Variants in TRIM29 observed in about 807,000 individuals in gnomAD.
The protein encoded by TRIM29 is tripartite motif containing 29.
In TRIM29, 52 loss-of-function variants were observed where a neutral mutation model predicts 57.3. The ratio of observed to expected loss-of-function variants is 0.91; its 90% CI spans 0.73 to 1.14. The LOEUF (loss-of-function observed/expected upper bound fraction) is 1.14, where lower values mean the gene tolerates loss of function less well. Ranked by LOEUF, TRIM29 falls within the 50% of genes most tolerant of loss-of-function variation. The pLI is 0.00. For synonymous variants in TRIM29, 319 were observed against 316.9 expected, an observed-to-expected ratio of 1.01 and a Z score of -0.07; for missense variants, 753 against 774.6, an observed-to-expected ratio of 0.97 and a Z score of 0.33.
chr11:120,128,684 T>C, intron 1 of TRIM29, 189 bp from the exon 2 acceptor site: 1 of 1,535,370 alleles, frequency 6.5e-7, no homozygotes, highest in Non-Finnish European at 8.7e-7. Flanking sequence ...TCGCCAAGGA[T>C]CTAGCAGTAA....
At chr11:120,136,158 TA>T (rs1191703244) in intron 1 of TRIM29, among the ~76,000 whole-genome samples, 5 of 152,244 alleles carry the variant, frequency 3.3e-5, no homozygotes, top group East Asian at 3.9e-4. Flanking sequence ...CACGTGCACA[TA>T]AAATAAACAC....
chr11:120,127,605 G>A (rs756952205), intron 2 of TRIM29, 36 bp from the exon 3 acceptor site: 10 of 1,583,290 alleles, frequency 6.3e-6, no homozygotes, highest in African/African-American at 1.4e-5. Flanking sequence ...ATTAGGCAGG[G>A]CTTTAGTTAG....
intron 1 of TRIM29, among the ~76,000 whole-genome samples, chr11:120,132,452 T>C (rs1863739845): frequency 6.6e-6 from 1 of 152,170 alleles, no homozygotes; most frequent in Non-Finnish European, 1.5e-5. Context: ...CACCTGTCTG[T>C]TTGCCTCTTG....
At chr11:120,115,556 G>T in intron 7 of TRIM29, 142 bp from the exon 8 acceptor site, 1 of 711,580 alleles carries the variant, frequency 1.4e-6, no homozygotes, top group Non-Finnish European at 2.3e-6. Flanking sequence ...CTGAACACGC[G>T]TGCAGCAGCC....
At chr11:120,121,114 C>T (rs1476868032) in intron 5 of TRIM29, among the ~76,000 whole-genome samples, 1 of 152,150 alleles carries the variant, frequency 6.6e-6, no homozygotes, top group Non-Finnish European at 1.5e-5. Context: ...GATACCACCA[C>T]CGATACCCAG....
intron 1 of TRIM29, among the ~76,000 whole-genome samples, chr11:120,134,609 C>G (rs1179141503): frequency 6.6e-6 from 1 of 152,234 alleles, no homozygotes; most frequent in Admixed American, 6.5e-5. Context: ...CCACTTCTCC[C>G]CGCCTAGCCC....
chr11:120,113,961 T>G (rs1190071974), intron 8 of TRIM29, among the ~76,000 whole-genome samples: 1 of 152,090 alleles, frequency 6.6e-6, no homozygotes, highest in South Asian at 2.1e-4. Flanking sequence ...TCACAGCACA[T>G]ACAGCAGGTG....
chr11:120,127,524 C>A lies in TRIM29; in HGVS notation c.946G>T (p.Asp316Tyr). ...EKAILEQNFR[D>Y]LVRDLEKQKE... ...TGCTTCTCCAGGTCCCGCACCAGGT[C>A]CCGGAAGTTCTGCTCCAGGATGGCC... Residue 316 changes from aspartate (D) to tyrosine (Y), a missense_variant, in exon 3 of 9, where the codon GAC (aspartate) becomes TAC (tyrosine). Coordinates refer to ENST00000341846, the MANE Select transcript of TRIM29 (RefSeq NM_012101.4). 3.1e-6 allele frequency: 5 copies of A among 1,614,184 alleles called. No individual in the cohort carries two copies. The highest frequency in any genetic ancestry group is 4.2e-6 in the Non-Finnish European group (5 of 1,180,028).
intron 8 of TRIM29, among the ~76,000 whole-genome samples, 158 bp from the exon 9 acceptor site, chr11:120,112,634 TGATC>T (rs1461793664): frequency 4.6e-5 from 7 of 152,106 alleles, no homozygotes; most frequent in Non-Finnish European, 1.0e-4. Flanking sequence ...ACCTACCCTG[TGATC>T]AGGGGCTGGT....
chr11:120,130,362 C>T (rs984637918), intron 1 of TRIM29, among the ~76,000 whole-genome samples: 2 of 152,218 alleles, frequency 1.3e-5, no homozygotes, highest in African/African-American at 2.4e-5. Flanking sequence ...CTCACCCCAC[C>T]TTACCACCCC....
chr11:120,124,648 A>G (rs536385496), intron 4 of TRIM29: 1 of 152,282 alleles, frequency 6.6e-6, no homozygotes, highest in East Asian at 1.9e-4. Flanking sequence ...CATCATCACT[A>G]TTGTCATTAG....
chr11:120,113,310 C>T (rs1175762733), intron 8 of TRIM29, among the ~76,000 whole-genome samples: 2 of 152,144 alleles, frequency 1.3e-5, no homozygotes, highest in East Asian at 3.8e-4. Context: ...TTCATGAAAT[C>T]AGCATGCCCC....
In TRIM29 at chr11:120,137,417, G is replaced by A. The variant is rs748156278; in HGVS notation, c.615C>T (p.Gly205=). Residue 205 remains glycine (G), a synonymous_variant, in exon 1 of 9, where the codon GGC becomes GGT. Coordinates refer to ENST00000341846, the MANE Select transcript of TRIM29 (RefSeq NM_012101.4). This position sits in a 1 kb window ranked among gnomAD's most constrained non-coding sequence, Gnocchi z 6.2. ...GCAGCTGGTGGTCTCGGAAGGCGGCGCCCTCCAGGTGGGGCTTGAGATGCA... is the reference window on the plus strand; with the variant it reads ...GCAGCTGGTGGTCTCGGAAGGCGGCACCCTCCAGGTGGGGCTTGAGATGCA... ...CELHLKPHLE[G]AAFRDHQLLE... 48 of 1,610,060 alleles carry A rather than the reference G, an allele frequency of 3.0e-5. No homozygotes were observed. The South Asian group carries it at 5.1e-4, about 17-fold the overall frequency.
chr11:120,118,094 T>G (rs930543568), intron 7 of TRIM29, 129 bp downstream of exon 7: 1 of 857,056 alleles, frequency 1.2e-6, no homozygotes, highest in Non-Finnish European at 1.9e-6. Context: ...GCTCCCGGGC[T>G]CTCAGGCCAG....
At chr11:120,118,725 TGCCCCAGG>T (rs1381262489) in intron 6 of TRIM29, 1 of 176,764 alleles carries the variant, frequency 5.7e-6, no homozygotes, top group Non-Finnish European at 1.2e-5. Context: ...TCTTCTCTCC[TGCCCCAGG>T]CTATGTGCCC....
chr11:120,112,551 C>A, intron 8 of TRIM29, 75 bp from the exon 9 acceptor site: 1 of 1,537,136 alleles, frequency 6.5e-7, no homozygotes, highest in Middle Eastern at 1.7e-4. Flanking sequence ...CCTACCCTAA[C>A]CTGCCTCAGG....
chr11:120,126,963 G>A (rs1274646400), intron 3 of TRIM29, among the ~76,000 whole-genome samples: 5 of 152,072 alleles, frequency 3.3e-5, no homozygotes, highest in East Asian at 1.9e-4. Flanking sequence ...ATAGACAAAC[G>A]GACTAGATCC....
chr11:120,133,139 G>T (rs550931507), intron 1 of TRIM29, among the ~76,000 whole-genome samples: 1 of 152,294 alleles, frequency 6.6e-6, no homozygotes, highest in African/African-American at 2.4e-5. Flanking sequence ...GAATTCTCTA[G>T]GGAGACCTTT....
chr11:120,115,760 C>T (rs951043088), intron 7 of TRIM29: 12 of 263,992 alleles, frequency 4.5e-5, no homozygotes, highest in Admixed American at 3.5e-4. Context: ...CACGGGCCCT[C>T]CCCTTCCCAG....
Sources: gnomAD v4.1 joint callset for allele counts (sites outside exome capture counted in the v4.1 genomes callset) on GRCh38, gnomAD v4.1.1 for gene constraint, Gnocchi (gnomAD v3.1) non-coding constraint, MANE v1.5 for transcripts, NCBI Gene and HGNC (gene_info 2026-07-23, HGNC 2026-07-21) for gene names.